MTIF2: variants seen among roughly 807,000 people sequenced by gnomAD.
The protein encoded by MTIF2 is mitochondrial translational initiation factor 2.
A neutral mutation model predicts 83.5 loss-of-function variants in MTIF2; 71 were observed. The observed-to-expected ratio is 0.85, with a 90% confidence interval of 0.70 to 1.04. MTIF2 has a LOEUF of 1.04. Ranked by LOEUF, MTIF2 falls within the 50% of genes least tolerant of loss-of-function variation. MTIF2 has a pLI of 0.00. For missense variants in MTIF2, 957 were observed against 846.5 expected (o/e 1.13, Z -1.62); for synonymous variants, 319 against 287.1 (o/e 1.11, Z -1.12).
intron 7 of MTIF2, 38 bp downstream of exon 7, chr2:55,254,003 G>T (rs370864480): frequency 1.2e-6 from 2 of 1,602,482 alleles, no homozygotes; most frequent in Non-Finnish European, 1.7e-6. Flanking sequence ...AAATAAGTGG[G>T]GTTCCCAAGC....
intron 9 of MTIF2, among the ~76,000 whole-genome samples, chr2:55,248,159 G>C (rs1237332613): frequency 6.6e-6 from 1 of 152,114 alleles, no homozygotes; most frequent in Non-Finnish European, 1.5e-5. Context: ...AAAGTGCTAG[G>C]CTTACAGGCA....
chr2:55,261,786 A>G lies in MTIF2; in HGVS notation c.331+530T>C, dbSNP rs1312125393. Among the ~76,000 whole-genome samples, 4 of 151,698 alleles carry G rather than the reference A, an allele frequency of 2.6e-5. No homozygotes were observed. The East Asian group carries it at 7.8e-4, about 29-fold the overall frequency. On this transcript the variant is annotated intron_variant, in intron 5 of 15. Coordinates refer to ENST00000263629, the MANE Select transcript of MTIF2 (RefSeq NM_002453.3). Reference sequence around the variant, plus strand: ...AGACTCTGTCTCTACAAAAAATAAAAAATTAGCTGGGCATAGTGGCACATG... The same window carrying G: ...AGACTCTGTCTCTACAAAAAATAAAGAATTAGCTGGGCATAGTGGCACATG...
chr2:55,257,596 C>T (rs1241010952), intron 5 of MTIF2, among the ~76,000 whole-genome samples: 1 of 152,186 alleles, frequency 6.6e-6, no homozygotes, highest in Non-Finnish European at 1.5e-5. Flanking sequence ...AAAAATAAAT[C>T]TCTAATTTAC....
chr2:55,256,118 G>A (rs982788555), intron 5 of MTIF2, among the ~76,000 whole-genome samples: 1 of 152,016 alleles, frequency 6.6e-6, no homozygotes, highest in Non-Finnish European at 1.5e-5. Context: ...CAGGTGATCC[G>A]CCTGCCTCGG....
chr2:55,243,121 T>C lies in MTIF2; in HGVS notation c.1565-41A>G, dbSNP rs371377337. 30 of 1,548,914 alleles carry C rather than the reference T, an allele frequency of 1.9e-5. No individual in the cohort carries two copies. In the African/African-American group the frequency reaches 4.1e-4, roughly 21 times the overall value. ...GTTTATAATTGTTGCTTTTAAGAGT[T>C]AGACATCAGCAGACATAAAAATGAC... is the stretch of plus-strand genomic sequence containing the variant. On this transcript the variant is annotated intron_variant, in intron 12 of 15. Transcript: ENST00000263629.
rs1270587179 is a variant in MTIF2 at position 55,254,214 on chromosome 2, G to A, written c.504-13C>T. 1.3e-5 allele frequency: 21 copies of A among 1,603,204 alleles called. No individual in the cohort carries two copies. Among genetic ancestry groups the A allele is most frequent in the Non-Finnish European group, 1.8e-5 (21 of 1,175,898 alleles). On this transcript the variant is annotated splice_polypyrimidine_tract_variant and intron_variant, in intron 6 of 15. Coordinates refer to ENST00000263629, the MANE Select transcript of MTIF2 (RefSeq NM_002453.3). Reference sequence around the variant, plus strand: ...ATCTGCCTGGGGCCTACAATTAACAGCAAAAGAGTTTCATTTCTTAAATAT... The same window carrying A: ...ATCTGCCTGGGGCCTACAATTAACAACAAAAGAGTTTCATTTCTTAAATAT...
chr2:55,261,688 CAGCACTTTGGG>C (rs2104453946), intron 5 of MTIF2, among the ~76,000 whole-genome samples: 1 of 151,774 alleles, frequency 6.6e-6, no homozygotes, highest in South Asian at 2.1e-4. Context: ...CCTATAATCC[CAGCACTTTGGG>C]AGGTTGAGGC....
At chr2:55,240,227 CATTT>C (rs760848960) in intron 13 of MTIF2, 52 bp from the exon 14 acceptor site, 252 of 1,440,068 alleles carry the variant, frequency 1.7e-4, no homozygotes, top group Middle Eastern at 7.3e-4. Flanking sequence ...ACATTATAAT[CATTT>C]ATTTGTCTTT....
In MTIF2 at chr2:55,249,667, A is replaced by T. The variant is rs3828233; in HGVS notation, c.842-133T>A. ...ATGTTTTTATCTAACAAAAGGCCAA[A>T]ATGACCCACTTTAGAGTCACATCAC... is the stretch of plus-strand genomic sequence containing the variant. On this transcript the variant is annotated intron_variant, in intron 8 of 15. Coordinates refer to ENST00000263629, the MANE Select transcript of MTIF2 (RefSeq NM_002453.3). 81 of 989,288 alleles carry T rather than the reference A, an allele frequency of 8.2e-5. No homozygotes were observed. In the East Asian group the frequency reaches 2.1e-3, roughly 25 times the overall value. The allele number at this position is 989,288 out of a possible 1,614,324, so 61.3% of individuals were successfully genotyped here.
intron 5 of MTIF2, among the ~76,000 whole-genome samples, chr2:55,258,597 A>G (rs1466025286): frequency 1.3e-5 from 2 of 152,154 alleles, no homozygotes; most frequent in South Asian, 4.1e-4. Context: ...GGATCACCTG[A>G]GGTCAGGAGT....
intron 4 of MTIF2, among the ~76,000 whole-genome samples, chr2:55,263,367 T>A (rs1678181175): frequency 6.6e-6 from 1 of 152,248 alleles, no homozygotes; most frequent in Admixed American, 6.5e-5. Flanking sequence ...AAATATTCTG[T>A]AAATGATAAA....
intron 12 of MTIF2, 112 bp from the exon 13 acceptor site, chr2:55,243,192 T>C (rs1676448802): frequency 8.4e-7 from 1 of 1,196,218 alleles, no homozygotes; most frequent in Non-Finnish European, 1.2e-6. Flanking sequence ...TATCACTAAA[T>C]CCACTTTTAT....
rs1189687024 is a variant in MTIF2, at chr2:55,254,131, C to T, written c.574G>A (p.Gly192Arg). 9 of 1,613,990 alleles carry T rather than the reference C, an allele frequency of 5.6e-6. No homozygotes were observed. In the African/African-American group the frequency reaches 6.7e-5, roughly 12 times the overall value. The change falls in exon 7 of 16, where the codon GGG becomes AGG. Residue 192 changes from glycine to arginine, a missense_variant. By Grantham distance (125) the Gly-to-Arg change is moderately radical. Transcript: ENST00000263629. Reference sequence around the variant, plus strand: ...AATTTGTCAAGTAATGTCGTTTTCCCGTGATCAACATGGCCCATTATAGTA... The same window carrying T: ...AATTTGTCAAGTAATGTCGTTTTCCTGTGATCAACATGGCCCATTATAGTA... ...VVTIMGHVDH[G>R]KTTLLDKFRK... is the part of the protein sequence containing the mutation.
intron 7 of MTIF2, among the ~76,000 whole-genome samples, chr2:55,253,585 G>C (rs1233569857): frequency 6.6e-6 from 1 of 152,042 alleles, no homozygotes; most frequent in Non-Finnish European, 1.5e-5. Flanking sequence ...GGGAGGCTGA[G>C]GCAGGCGGAC....
At chr2:55,259,763 G>C (rs1677817609) in intron 5 of MTIF2, among the ~76,000 whole-genome samples, 1 of 152,156 alleles carries the variant, frequency 6.6e-6, no homozygotes, top group Admixed American at 6.5e-5. Context: ...GGCCCACATA[G>C]TGAAACTCTG....
In MTIF2 at chr2:55,254,057, G is replaced by A. The variant is rs1292281061; in HGVS notation, c.648C>T (p.His216=). ...AAVETGGITQ[H]IGAFLVSLPS... ...TGTTCATACCAAGAAAGGCACCAAT[G>A]TGCTGAGTGATGCCTCCAGTTTCCA... The change falls in exon 7 of 16, where the codon CAC becomes CAT. Residue 216 remains histidine (H), a synonymous_variant. Transcript: ENST00000263629. 4.3e-6 allele frequency: 7 copies of A among 1,614,036 alleles called. No individual in the cohort carries two copies. In the African/African-American group the frequency reaches 9.3e-5, roughly 22 times the overall value.
Position 55,237,395 on chromosome 2 carries a change from G to T in MTIF2, c.1904C>A (p.Thr635Lys). The change falls in exon 15 of 16, where the codon ACA becomes AAA. Residue 635 changes from threonine to lysine, a missense_variant. By Grantham distance (78) the Thr-to-Lys change is moderately conservative. This residue lies in a region of MTIF2 where 221 missense variants were observed against 180.6 expected (regional missense o/e 1.22). Transcript: ENST00000263629. ...CACAGGAACTTTTTTCTTCCCTTCT[G>T]TTACAGAGAAGGTAGCTAGTATAGA... ...EASILATFSV[T>K]EGKKKVPVAG... 1 of 1,612,502 alleles carries T rather than the reference G, an allele frequency of 6.2e-7. No individual in the cohort carries two copies. Among genetic ancestry groups the T allele is most frequent in the South Asian group, 1.1e-5 (1 of 90,966 alleles).
chr2:55,254,353 G>A (rs112164898), intron 6 of MTIF2, 152 bp from the exon 7 acceptor site: 1 of 389,928 alleles, frequency 2.6e-6, no homozygotes, highest in South Asian at 7.7e-5. Flanking sequence ...CTATACATAT[G>A]ACAGACTATT....
intron 11 of MTIF2, 100 bp from the exon 12 acceptor site, chr2:55,243,768 T>G: frequency 1.6e-6 from 2 of 1,221,340 alleles, no homozygotes; most frequent in Non-Finnish European, 2.3e-6. Context: ...GCTTAACTCA[T>G]GTATGAAACT....
Sources: gnomAD v4.1 joint callset for allele counts (sites outside exome capture counted in the v4.1 genomes callset) on GRCh38, gnomAD v4.1.1 for gene constraint, gnomAD v4.1.1 regional missense constraint, MANE v1.5 for transcripts, NCBI Gene and HGNC (gene_info 2026-07-23, HGNC 2026-07-21) for gene names.